The following AGAP1 variants were observed in gnomAD, a reference collection of about 807,000 sequenced individuals.
The protein encoded by AGAP1 is ArfGAP with GTPase domain, ankyrin repeat and PH domain 1.
In AGAP1, 29 loss-of-function variants were observed where a neutral mutation model predicts 105.3. The ratio of observed to expected loss-of-function variants is 0.28; its 90% CI spans 0.21 to 0.38. AGAP1 has a LOEUF of 0.38. AGAP1 is among the 10% of genes least tolerant of loss of function. AGAP1 has a pLI of 1.00. For missense variants in AGAP1, 998 were observed against 1,165.1 expected, an observed-to-expected ratio of 0.86 and a Z score of 2.09; for synonymous variants, 509 against 485.9, an observed-to-expected ratio of 1.05 and a Z score of -0.63.
In AGAP1 at chr2:235,692,920, T is replaced by TG. The variant is rs1013464104; in HGVS notation, c.164-16258dup. On this transcript the variant is annotated intron_variant, in intron 1 of 17. Transcript: ENST00000304032. This position sits in a 1 kb window ranked among gnomAD's most constrained non-coding sequence, Gnocchi z 5.8. ...GAGGGAGGCAGTGAGCAGGACCTGT[T>TG]GCTGTCGGTGGTGGCATCAGTGGAG... 9.2e-5 allele frequency among the ~76,000 whole-genome samples: 14 copies of TG among 152,032 alleles called. No individual in the cohort carries two copies. Among genetic ancestry groups the TG allele is most frequent in the Non-Finnish European group, 1.6e-4 (11 of 67,992 alleles).
chr2:236,091,679 G>A (rs1375522869), intron 16 of AGAP1, among the ~76,000 whole-genome samples: 2 of 152,242 alleles, frequency 1.3e-5, no homozygotes, highest in African/African-American at 2.4e-5. Flanking sequence ...GACTGAGGCA[G>A]GAGGATGGCT....
At chr2:235,925,468 AG>A (rs2052401867) in intron 11 of AGAP1, among the ~76,000 whole-genome samples, 1 of 152,112 alleles carries the variant, frequency 6.6e-6, no homozygotes, top group Non-Finnish European at 1.5e-5. Flanking sequence ...ACTGGGGCTG[AG>A]GGTTGGGGCG....
chr2:235,531,036 G>C (rs964194599), intron 1 of AGAP1, among the ~76,000 whole-genome samples: 1 of 152,242 alleles, frequency 6.6e-6, no homozygotes, highest in Non-Finnish European at 1.5e-5. Context: ...CTTCAGTTTA[G>C]AAAGTACAGT....
intron 1 of AGAP1, among the ~76,000 whole-genome samples, chr2:235,699,690 G>A (rs1216355205): frequency 6.6e-6 from 1 of 152,232 alleles, no homozygotes; most frequent in Non-Finnish European, 1.5e-5. Flanking sequence ...GAGCCACAGT[G>A]CTTTACCCAT....
In AGAP1 at chr2:235,981,171, G is replaced by T. The variant is rs1235909281; in HGVS notation, c.1645+12548G>T. Among the ~76,000 whole-genome samples the T allele has an allele frequency of 6.6e-6, 1 of 152,190 alleles. No homozygotes were observed. Among genetic ancestry groups the T allele is most frequent in the Non-Finnish European group, 1.5e-5 (1 of 68,036 alleles). On this transcript the variant is annotated intron_variant, in intron 13 of 17. Transcript: ENST00000304032. The surrounding 1 kb of genome is among the most constrained non-coding windows in gnomAD (Gnocchi z 5.5). ...TGTCTTGAACTTGCCAACACATGCT[G>T]CCTCGGGGCCTGTGGTCACTAAGCT...
At chr2:235,892,437 T>C (rs1444085123) in intron 10 of AGAP1, among the ~76,000 whole-genome samples, 2 of 152,322 alleles carry the variant, frequency 1.3e-5, no homozygotes, top group African/African-American at 4.8e-5. Flanking sequence ...ACTTGGACTC[T>C]CTAAAATTAT....
At position 235,967,958 on chromosome 2, in the gene AGAP1, A is replaced by G. The variant is rs879912197; in HGVS notation, c.1484-504A>G. Reference sequence around the variant, plus strand: ...AATGGCATAGAATTTTTCACTGATAATAAAACAAGATGAAGTTATAGTCAT... The same window carrying G: ...AATGGCATAGAATTTTTCACTGATAGTAAAACAAGATGAAGTTATAGTCAT... On this transcript the variant is annotated intron_variant, in intron 12 of 17. Transcript: ENST00000304032. The surrounding 1 kb of genome is among the most constrained non-coding windows in gnomAD (Gnocchi z 4.7). 1.3e-5 allele frequency among the ~76,000 whole-genome samples: 2 copies of G among 152,242 alleles called. No homozygotes were observed. Among genetic ancestry groups the G allele is most frequent in the Non-Finnish European group, 2.9e-5 (2 of 68,054 alleles).
chr2:235,912,227 A>G (rs6751563), intron 11 of AGAP1, among the ~76,000 whole-genome samples: 118,562 of 152,218 alleles, frequency 0.78, 46,269 homozygotes, highest in East Asian at 0.98. Flanking sequence ...AAATTAAAGC[A>G]TTTGGGGATT....
At chr2:235,890,180 T>TTTTTTA (rs1553664849) in intron 10 of AGAP1, among the ~76,000 whole-genome samples, 1 of 150,596 alleles carries the variant, frequency 6.6e-6, no homozygotes, top group Admixed American at 6.6e-5. Flanking sequence ...TTTTTTTTTT[T>TTTTTTA]AAGACAGTCT....
Position 236,053,107 on chromosome 2 carries a change from C to T in AGAP1, c.2114+3826C>T, listed in dbSNP as rs1287478580. ...CGTCGAGCAGCTGGGCCGGGGGCCA[C>T]CAGCCAGGCGGGGCTCTGGGTTCCA... is the stretch of plus-strand genomic sequence containing the variant. On this transcript the variant is annotated intron_variant, in intron 16 of 17. Coordinates refer to ENST00000304032, the MANE Select transcript of AGAP1 (RefSeq NM_001037131.3). The surrounding 1 kb of genome is among the most constrained non-coding windows in gnomAD (Gnocchi z 4.6). Among the ~76,000 whole-genome samples, 1 of 152,192 alleles carries T rather than the reference C, an allele frequency of 6.6e-6. No homozygotes were observed. The highest frequency in any genetic ancestry group is 1.5e-5 in the Non-Finnish European group (1 of 68,042).
intron 9 of AGAP1, among the ~76,000 whole-genome samples, chr2:235,835,686 C>T (rs763208900): frequency 6.6e-6 from 1 of 152,202 alleles, no homozygotes; most frequent in Non-Finnish European, 1.5e-5. Context: ...GGTGCTTAGC[C>T]CTGTGCTGGG....
intron 9 of AGAP1, among the ~76,000 whole-genome samples, chr2:235,881,023 ATGCCACATTT>A (rs780762045): frequency 8.5e-5 from 13 of 152,218 alleles, no homozygotes; most frequent in Admixed American, 4.6e-4. Flanking sequence ...AAATCAAGGT[ATGCCACATTT>A]TGCCACGTTT....
chr2:235,859,393 T>TCCCCCCCCCCCCCCCC (rs59735813), intron 9 of AGAP1, among the ~76,000 whole-genome samples: 2 of 24,184 alleles, frequency 8.3e-5, no homozygotes, highest in Non-Finnish European at 2.6e-4. Flanking sequence ...CCCCACAACC[T>TCCCCCCCCCCCCCCCC]CCCCCCCCCC....
At position 235,586,501 on chromosome 2, in the gene AGAP1, A is replaced by C. The variant is rs961180872; in HGVS notation, c.163+91652A>C. ...ATTCACAGCAGTCAAGGCTGCCACG[A>C]GCAAGTATTTTGAGTGCTCCTTATG... is the stretch of plus-strand genomic sequence containing the variant. On this transcript the variant is annotated intron_variant, in intron 1 of 17. Coordinates refer to ENST00000304032, the MANE Select transcript of AGAP1 (RefSeq NM_001037131.3). The surrounding 1 kb of genome is among the most constrained non-coding windows in gnomAD (Gnocchi z 4.2). Among the ~76,000 whole-genome samples, 3 of 152,208 alleles carry C rather than the reference A, an allele frequency of 2.0e-5. No homozygotes were observed. The highest frequency in any genetic ancestry group is 4.4e-5 in the Non-Finnish European group (3 of 68,038).
At chr2:235,706,180 CT>C (rs1950523187) in intron 1 of AGAP1, among the ~76,000 whole-genome samples, 1 of 152,142 alleles carries the variant, frequency 6.6e-6, no homozygotes, top group Non-Finnish European at 1.5e-5. Flanking sequence ...TAGTCTCAGC[CT>C]TGACAAGCAT....
rs1202858897 is a variant in AGAP1 at position 235,754,602 on chromosome 2, A to G, written c.673+4114A>G. On this transcript the variant is annotated intron_variant, in intron 6 of 17. Transcript: ENST00000304032. The surrounding 1 kb of genome is among the most constrained non-coding windows in gnomAD (Gnocchi z 4.6). ...GTAAAAATGAATGGAGAAACCTTGC[A>G]TTCACTTTTTGTTCGCTTGTGTGGT... 1.3e-5 allele frequency among the ~76,000 whole-genome samples: 2 copies of G among 152,198 alleles called. No individual in the cohort carries two copies. Among genetic ancestry groups the G allele is most frequent in the African/African-American group, 4.8e-5 (2 of 41,450 alleles).
At chr2:235,651,930 G>A (rs922394612) in intron 1 of AGAP1, among the ~76,000 whole-genome samples, 2 of 152,218 alleles carry the variant, frequency 1.3e-5, no homozygotes, top group African/African-American at 4.8e-5. Context: ...GTCTTGATGA[G>A]AAGGAGAAGG....
rs1022074317 is a variant in AGAP1, at chr2:235,734,696, A to G, written c.311-6267A>G. Among the ~76,000 whole-genome samples, 3 of 152,208 alleles carry G rather than the reference A, an allele frequency of 2.0e-5. No individual in the cohort carries two copies. The highest frequency in any genetic ancestry group is 7.2e-5 in the African/African-American group (3 of 41,446). On this transcript the variant is annotated intron_variant, in intron 3 of 17. Transcript: ENST00000304032. The surrounding 1 kb of genome is among the most constrained non-coding windows in gnomAD (Gnocchi z 5.3). ...CTTCCCAAGTGTGAGTGGAGTAAGG[A>G]TAAGATAGTCCCGCCTCTCTGCCTG...
In AGAP1 at chr2:235,586,300, G is replaced by A. The variant is rs991877952; in HGVS notation, c.163+91451G>A. Reference sequence around the variant, plus strand: ...CTCCACTGACCAGACCACCCACTTTGCCCTCTGCACGCTCACTCCACGAAG... The same window carrying A: ...CTCCACTGACCAGACCACCCACTTTACCCTCTGCACGCTCACTCCACGAAG... On this transcript the variant is annotated intron_variant, in intron 1 of 17. Coordinates refer to ENST00000304032, the MANE Select transcript of AGAP1 (RefSeq NM_001037131.3). This position sits in a 1 kb window ranked among gnomAD's most constrained non-coding sequence, Gnocchi z 4.2. 2.6e-5 allele frequency among the ~76,000 whole-genome samples: 4 copies of A among 152,170 alleles called. No homozygotes were observed. The highest frequency in any genetic ancestry group is 2.9e-5 in the Non-Finnish European group (2 of 68,030).
Sources: allele counts gnomAD v4.1 joint callset (sites outside exome capture counted in the v4.1 genomes callset), GRCh38; gene constraint gnomAD v4.1.1; non-coding constraint Gnocchi (gnomAD v3.1); transcripts MANE v1.5; gene names NCBI Gene and HGNC (gene_info 2026-07-23, HGNC 2026-07-21).